The following DNHD1 variants were observed in gnomAD, a reference collection of about 807,000 sequenced individuals.
The protein encoded by DNHD1 is dynein heavy chain domain-containing protein 1.
DNHD1 carries 383 observed loss-of-function variants against 458.1 expected under a neutral mutation model. The ratio of observed to expected loss-of-function variants is 0.84; its 90% confidence interval spans 0.77 to 0.91. DNHD1 has a LOEUF of 0.91. DNHD1 is among the 40% of genes least tolerant of loss of function. The pLI is 0.00. For synonymous variants in DNHD1, 2,203 were observed against 2,376.9 expected, an observed-to-expected ratio of 0.93 and a Z score of 2.13; for missense variants, 5,336 against 5,866.1, an observed-to-expected ratio of 0.91 and a Z score of 2.95.
At chr11:6,523,798 G>A (rs1265606124) in intron 10 of DNHD1, among the ~76,000 whole-genome samples, 1 of 152,000 alleles carries the variant, frequency 6.6e-6, no homozygotes, top group Non-Finnish European at 1.5e-5. Flanking sequence ...GCCAGTGTGA[G>A]CAACATAGTG....
At chr11:6,513,237 T>C (rs1852383264) in intron 7 of DNHD1, among the ~76,000 whole-genome samples, 1 of 152,224 alleles carries the variant, frequency 6.6e-6, no homozygotes, top group South Asian at 2.1e-4. Context: ...ATAATTCATA[T>C]ACAGTAGACA....
At chr11:6,523,978 C>A (rs1459476691) in intron 10 of DNHD1, among the ~76,000 whole-genome samples, 1 of 152,052 alleles carries the variant, frequency 6.6e-6, no homozygotes, top group South Asian at 2.1e-4. Flanking sequence ...ACAGAGATAC[C>A]AAATCTAAAA....
At position 6,570,120 on chromosome 11, in the gene DNHD1, C is replaced by T. The variant is rs200582992; in HGVS notation, c.12955+20C>T. 3 of 1,613,728 alleles carry T rather than the reference C, an allele frequency of 1.9e-6. No homozygotes were observed. Among genetic ancestry groups the T allele is most frequent in the East Asian group, 2.2e-5 (1 of 44,876 alleles). Reference sequence around the variant, plus strand: ...TGGCTGGTGAGACCCTTCCTCTCCCCCTTGGAGTCATCAGCCCCCAGGAGA... The same window carrying T: ...TGGCTGGTGAGACCCTTCCTCTCCCTCTTGGAGTCATCAGCCCCCAGGAGA... On this transcript the variant is annotated intron_variant, in intron 40 of 42. Coordinates refer to ENST00000254579, the MANE Select transcript of DNHD1 (RefSeq NM_144666.3).
In DNHD1 at chr11:6,544,247, G is replaced by T. The variant is rs768110857; in HGVS notation, c.3754+1G>T. On this transcript the variant is annotated splice_donor_variant, in intron 19 of 42. Coordinates refer to ENST00000254579, the MANE Select transcript of DNHD1 (RefSeq NM_144666.3). LOFTEE classifies it high-confidence loss of function. Reference sequence around the variant, plus strand: ...TGGGTGGCCATCATGCATGGCCTGGGTAAGTGCAGGCCTCTAGCCAGGCTG... The same window carrying T: ...TGGGTGGCCATCATGCATGGCCTGGTTAAGTGCAGGCCTCTAGCCAGGCTG... 6.4e-7 allele frequency: 1 copy of T among 1,551,554 alleles called. No individual in the cohort carries two copies. Among genetic ancestry groups the T allele is most frequent in the South Asian group, 1.2e-5 (1 of 84,064 alleles).
At chr11:6,528,410 T>TGTGG (rs1852757187) in intron 10 of DNHD1, 112 bp from the exon 11 acceptor site, 2 of 989,474 alleles carry the variant, frequency 2.0e-6, no homozygotes, top group African/African-American at 3.3e-5. Flanking sequence ...AATGGGTGTG[T>TGTGG]GTGTGTGTGT....
chr11:6,501,497 A>G (rs1018179304), intron 3 of DNHD1, among the ~76,000 whole-genome samples: 1 of 151,934 alleles, frequency 6.6e-6, no homozygotes, highest in Non-Finnish European at 1.5e-5. Flanking sequence ...AAGAAAGGAT[A>G]CCTCTTCCTC....
At position 6,498,626 on chromosome 11, in the gene DNHD1, C is replaced by T. The variant is rs760605894; in HGVS notation, c.411C>T (p.Asp137=). ...LGAIVQAFPP[D]SSLLDSASHA... ...CCATTGTCCAGGCCTTTCCTCCAGA[C>T]AGCTCTTTGTTAGACAGTGCTTCCC... The change falls in exon 3 of 43, where the codon GAC becomes GAT. Residue 137 remains aspartate (D), a synonymous_variant. Transcript: ENST00000254579. The T allele has an allele frequency of 3.7e-6, 6 of 1,614,100 alleles. No individual in the cohort carries two copies. The highest frequency in any genetic ancestry group is 2.2e-5 in the East Asian group (1 of 44,902).
intron 4 of DNHD1, among the ~76,000 whole-genome samples, chr11:6,504,516 C>G (rs1365305751): frequency 6.6e-6 from 1 of 152,196 alleles, no homozygotes; most frequent in Non-Finnish European, 1.5e-5. Context: ...ATGGCATGAT[C>G]TCGGCTCACA....
intron 24 of DNHD1, among the ~76,000 whole-genome samples, chr11:6,552,126 T>C (rs1051532906): frequency 2.7e-5 from 4 of 149,678 alleles, no homozygotes; most frequent in Non-Finnish European, 4.4e-5. Context: ...TATGAAAAAC[T>C]TTATGCTAAT....
At chr11:6,536,356 T>C (rs1348354366) in intron 14 of DNHD1, among the ~76,000 whole-genome samples, 1 of 152,210 alleles carries the variant, frequency 6.6e-6, no homozygotes, top group African/African-American at 2.4e-5. Context: ...TAAAATATTG[T>C]ATCAATATAA....
rs1343834005 is a variant in DNHD1 at position 6,563,714 on chromosome 11, G to A, written c.9874G>A (p.Glu3292Lys). Reference protein sequence around the residue: ...FYQELVFFPKEKITDSELIKL... With the variant: ...FYQELVFFPKKKITDSELIKL... The stretch of plus-strand genomic sequence containing the variant: ...CCAGGAGCTGGTGTTCTTCCCCAAG[G>A]AGAAGATAACAGACTCAGAGCTGAT... The change falls in exon 31 of 43, where the codon GAG (glutamate) becomes AAG (lysine). Residue 3292 changes from glutamate (E) to lysine (K), a missense_variant. By Grantham distance (56) the Glu-to-Lys change is moderately conservative (BLOSUM62 1). This residue lies in a region of DNHD1 where 3,932 missense variants were observed against 4,365.6 expected (regional missense o/e 0.90). Coordinates refer to ENST00000254579, the MANE Select transcript of DNHD1 (RefSeq NM_144666.3). 9.1e-6 allele frequency: 14 copies of A among 1,545,914 alleles called. No homozygotes were observed. The highest frequency in any genetic ancestry group is 1.2e-5 in the South Asian group (1 of 83,872).
chr11:6,540,031 C>A lies in DNHD1; in HGVS notation c.3576C>A (p.Arg1192=), dbSNP rs1282987759. Reference sequence around the variant, plus strand: ...AGCGCTCCAAGAGGCAGGTGCTCCGCAGCCCCCAATGGGAGGTAGTGGACA... The same window carrying A: ...AGCGCTCCAAGAGGCAGGTGCTCCGAAGCCCCCAATGGGAGGTAGTGGACA... The part of the protein sequence containing the change: ...ASERSKRQVL[R]SPQWEVVDKD... Residue 1192 remains arginine, a synonymous_variant, in exon 18 of 43, where the codon CGC becomes CGA. Coordinates refer to ENST00000254579, the MANE Select transcript of DNHD1 (RefSeq NM_144666.3). 1 of 1,551,706 alleles carries A rather than the reference C, an allele frequency of 6.4e-7. No individual in the cohort carries two copies. The highest frequency in any genetic ancestry group is 2.4e-5 in the East Asian group (1 of 40,930).
At chr11:6,550,514 A>G (rs1758230690) in intron 24 of DNHD1, among the ~76,000 whole-genome samples, 1 of 152,228 alleles carries the variant, frequency 6.6e-6, no homozygotes, top group Non-Finnish European at 1.5e-5. Flanking sequence ...AAAATAAAAA[A>G]TAAATAGACA....
intron 28 of DNHD1, among the ~76,000 whole-genome samples, chr11:6,560,016 G>A (rs2134449458): frequency 6.6e-6 from 1 of 152,222 alleles, no homozygotes; most frequent in South Asian, 2.1e-4. Flanking sequence ...TCTTATATCT[G>A]GCTAAAATTG....
At chr11:6,506,395 A>G (rs953765754) in intron 4 of DNHD1, among the ~76,000 whole-genome samples, 3 of 152,176 alleles carry the variant, frequency 2.0e-5, no homozygotes, top group East Asian at 1.9e-4. Context: ...TGTGTTATAC[A>G]GATATTATAT....
In DNHD1 at chr11:6,538,270, C is replaced by A. The variant is rs990621410; in HGVS notation, c.2999-113C>A. 1.4e-4 allele frequency: 125 copies of A among 875,972 alleles called. 3 individuals carry two copies. In the South Asian group the frequency reaches 1.8e-3, roughly 13 times the overall value. 54.3% of individuals were successfully genotyped at this position (875,972 alleles called of 1,614,324 possible). On this transcript the variant is annotated intron_variant, in intron 14 of 42. Coordinates refer to ENST00000254579, the MANE Select transcript of DNHD1 (RefSeq NM_144666.3). The stretch of plus-strand genomic sequence containing the variant: ...GGAACTCCACCTCCCCCACCCCCAA[C>A]CATCACTTTCTGGACCCTACCTTCT...
intron 8 of DNHD1, 46 bp downstream of exon 8, chr11:6,519,900 C>A: frequency 6.2e-7 from 1 of 1,612,720 alleles, no homozygotes. Flanking sequence ...CAGTCCAGGG[C>A]CAGATGCTGA....
chr11:6,540,771 A>G (rs762447052), intron 18 of DNHD1, among the ~76,000 whole-genome samples: 1 of 152,236 alleles, frequency 6.6e-6, no homozygotes, highest in Non-Finnish European at 1.5e-5. Context: ...ATAAGCATCC[A>G]AGATGATATA....
intron 12 of DNHD1, among the ~76,000 whole-genome samples, chr11:6,530,757 C>T (rs761472722): frequency 6.6e-6 from 1 of 152,064 alleles, no homozygotes; most frequent in South Asian, 2.1e-4. Flanking sequence ...GGGGTTCAGG[C>T]GGGCAAGGCA....
Sources: gnomAD v4.1 joint callset for allele counts (sites outside exome capture counted in the v4.1 genomes callset) on GRCh38, gnomAD v4.1.1 for gene constraint, gnomAD v4.1.1 regional missense constraint, MANE v1.5 for transcripts, NCBI Gene and HGNC (gene_info 2026-07-23, HGNC 2026-07-21) for gene names.